C9: variants seen among roughly 807,000 people sequenced by gnomAD.
C9 encodes the protein complement component C9.
C9 carries 63 observed loss-of-function variants against 65.4 expected under a neutral mutation model. That is an observed-to-expected ratio of 0.96 (90% CI 0.79 to 1.19). C9 has a LOEUF of 1.19. Among genes scored for constraint, C9 ranks in the 50% most tolerant of loss-of-function variants. The pLI, the probability that C9 is intolerant of heterozygous loss-of-function variation, is 0.00. For missense variants in C9, 744 were observed against 670.1 expected (o/e 1.11, Z -1.22); for synonymous variants, 229 against 227.9 (o/e 1.00, Z -0.04).
chr5:39,317,775 G>A (rs1381230585), intron 5 of C9, among the ~76,000 whole-genome samples: 1 of 152,112 alleles, frequency 6.6e-6, no homozygotes, highest in African/African-American at 2.4e-5. Context: ...GTCAGGCAGT[G>A]TGACACCTCC....
chr5:39,306,855 A>C, intron 8 of C9, 63 bp from the exon 9 acceptor site: 1 of 1,134,780 alleles, frequency 8.8e-7, no homozygotes, highest in East Asian at 2.3e-5. Context: ...CAGTTATCAA[A>C]AGGACATATG....
intron 5 of C9, among the ~76,000 whole-genome samples, chr5:39,316,232 G>C (rs1387823582): frequency 6.6e-6 from 1 of 152,116 alleles, no homozygotes; most frequent in Non-Finnish European, 1.5e-5. Flanking sequence ...ATCTCTATGT[G>C]CTTAGTATGA....
intron 8 of C9, among the ~76,000 whole-genome samples, 174 bp from the exon 9 acceptor site, chr5:39,306,966 A>C (rs374090248): frequency 1.3e-5 from 2 of 152,282 alleles, no homozygotes; most frequent in Middle Eastern, 3.4e-3. Flanking sequence ...CAAATCTACA[A>C]TGGAAATTTA....
intron 9 of C9, among the ~76,000 whole-genome samples, chr5:39,303,633 A>ATGGAGTAT (rs1361482306): frequency 6.6e-6 from 1 of 151,892 alleles, no homozygotes; most frequent in Non-Finnish European, 1.5e-5. Flanking sequence ...CATTCCACTT[A>ATGGAGTAT]GAGTAAAACA....
Position 39,344,637 on chromosome 5 carries a change from G to A in C9, c.78-2441C>T, listed in dbSNP as rs181601062. On this transcript the variant is annotated intron_variant, in intron 1 of 10. Transcript: ENST00000263408. The stretch of plus-strand genomic sequence containing the variant: ...AGGAGAACTTCCCCAACCTAGCACA[G>A]CAGGCCAACATTCAAGTTCAGGAAA... Among the ~76,000 whole-genome samples, 4 of 152,274 alleles carry A rather than the reference G, an allele frequency of 2.6e-5. No homozygotes were observed. The East Asian group carries it at 7.7e-4, about 29-fold the overall frequency.
intron 8 of C9, 88 bp from the exon 9 acceptor site, chr5:39,306,880 A>G (rs1753391137): frequency 1.2e-6 from 1 of 857,756 alleles, no homozygotes; most frequent in South Asian, 1.4e-5. Flanking sequence ...ACATTTATTG[A>G]GTCCTTTTAG....
intron 9 of C9, among the ~76,000 whole-genome samples, chr5:39,303,982 T>C (rs1376892379): frequency 6.6e-6 from 1 of 152,182 alleles, no homozygotes; most frequent in Non-Finnish European, 1.5e-5. Context: ...ATTATCTTAC[T>C]TGTTTTTATT....
At chr5:39,310,758 G>C (rs1045177328) in intron 7 of C9, among the ~76,000 whole-genome samples, 6 of 152,152 alleles carry the variant, frequency 3.9e-5, no homozygotes. Context: ...TACTCTGGAA[G>C]ATAACTGTGA....
chr5:39,322,491 G>C (rs1317102075), intron 5 of C9, among the ~76,000 whole-genome samples: 2 of 151,966 alleles, frequency 1.3e-5, no homozygotes, highest in Non-Finnish European at 2.9e-5. Flanking sequence ...ATAAAGATCA[G>C]AGCAGAAATA....
chr5:39,290,326 A>G (rs574479866), intron 9 of C9, among the ~76,000 whole-genome samples: 24 of 152,012 alleles, frequency 1.6e-4, no homozygotes, highest in African/African-American at 5.8e-4. Context: ...AGCAAATTCA[A>G]TTGTGTAACT....
At chr5:39,338,079 T>C (rs1754003515) in intron 4 of C9, among the ~76,000 whole-genome samples, 1 of 152,210 alleles carries the variant, frequency 6.6e-6, no homozygotes, top group Non-Finnish European at 1.5e-5. Flanking sequence ...GCAACATTAA[T>C]GGTATGAAAG....
chr5:39,342,838 CACTGCTCAGCAAGGCTTTTCTGGCTTTGA>C (rs1308048419), intron 1 of C9, among the ~76,000 whole-genome samples: 2 of 152,100 alleles, frequency 1.3e-5, no homozygotes, highest in African/African-American at 4.8e-5. Context: ...CCCCTAGGCC[CACTGCTCAGCAAGGCTTTTCTGGCTTTGA>C]ACTTTCCTTT....
At chr5:39,290,716 GCTA>G (rs1561331054) in intron 9 of C9, among the ~76,000 whole-genome samples, 1 of 151,816 alleles carries the variant, frequency 6.6e-6, no homozygotes. Flanking sequence ...GTATTCTAGG[GCTA>G]CTAGTCCTCT....
intron 8 of C9, 36 bp from the exon 9 acceptor site, chr5:39,306,828 G>A: frequency 6.8e-7 from 1 of 1,477,930 alleles, no homozygotes; most frequent in Non-Finnish European, 9.5e-7. Context: ...AGAAGCAGAA[G>A]AAGTTTAAAG....
intron 6 of C9, among the ~76,000 whole-genome samples, chr5:39,311,765 T>C (rs1327059558): frequency 1.3e-5 from 2 of 152,130 alleles, no homozygotes; most frequent in Non-Finnish European, 2.9e-5. Context: ...TAGCTTAAAA[T>C]TGAAAACATC....
intron 1 of C9, among the ~76,000 whole-genome samples, chr5:39,345,939 G>T (rs1244252738): frequency 1.3e-5 from 2 of 152,162 alleles, no homozygotes; most frequent in Non-Finnish European, 2.9e-5. Flanking sequence ...ATAACGAAAT[G>T]AAGCCAGAAA....
chr5:39,362,669 G>T (rs965287871), intron 1 of C9, among the ~76,000 whole-genome samples: 4 of 152,146 alleles, frequency 2.6e-5, no homozygotes, highest in Admixed American at 2.6e-4. Context: ...TGACACTGTT[G>T]GTAAGTAAAG....
intron 4 of C9, among the ~76,000 whole-genome samples, chr5:39,336,710 TG>T (rs1753972770): frequency 6.6e-6 from 1 of 152,138 alleles, no homozygotes; most frequent in Non-Finnish European, 1.5e-5. Context: ...TTTTTATAGT[TG>T]TAAGTGCTGA....
At chr5:39,324,736 A>T (rs1323780685) in intron 5 of C9, among the ~76,000 whole-genome samples, 6 of 152,154 alleles carry the variant, frequency 3.9e-5, no homozygotes, top group Non-Finnish European at 5.9e-5. Flanking sequence ...ATAGACCAAT[A>T]CTTGTAACCA....
Sources: allele counts gnomAD v4.1 joint callset (sites outside exome capture counted in the v4.1 genomes callset), GRCh38; gene constraint gnomAD v4.1.1; transcripts MANE v1.5; gene names NCBI Gene and HGNC (gene_info 2026-07-23, HGNC 2026-07-21).